Variants in NEK11 observed in about 807,000 individuals in gnomAD.
NEK11 encodes NIMA related kinase 11.
A neutral mutation model predicts 80.7 loss-of-function variants in NEK11; 72 were observed. The observed-to-expected ratio is 0.89, with a 90% CI of 0.74 to 1.08. The LOEUF is 1.08. Among genes scored for constraint, NEK11 ranks in the 50% least tolerant of loss-of-function variants. The pLI, the probability that NEK11 is intolerant of heterozygous loss-of-function variation, is 0.00. For synonymous variants in NEK11, 251 were observed against 260.7 expected (o/e 0.96, Z 0.36); for missense variants, 764 against 763.6 (o/e 1.00, Z -0.01).
intron 14 of NEK11, among the ~76,000 whole-genome samples, chr3:131,179,822 T>C (rs1043821805): frequency 3.3e-5 from 5 of 152,218 alleles, no homozygotes; most frequent in Admixed American, 6.5e-5. Flanking sequence ...AGTAGTTTTA[T>C]TAATGATATA....
chr3:131,168,682 G>A, intron 12 of NEK11, 148 bp from the exon 13 acceptor site: 1 of 567,018 alleles, frequency 1.8e-6, no homozygotes, highest in Non-Finnish European at 3.1e-6. Context: ...TAATCCCTCT[G>A]CTAATTCCTA....
rs753352710 is a variant in NEK11, at chr3:131,109,777, A to G, written c.337-26A>G. ...ATTTTAACATATTAGCTGAAAAAAT[A>G]TGAAAGATTATGCTCTTCATTTCAG... On this transcript the variant is annotated intron_variant, in intron 4 of 17. Coordinates refer to ENST00000383366, the MANE Select transcript of NEK11 (RefSeq NM_024800.5). 4.5e-6 allele frequency: 7 copies of G among 1,558,500 alleles called. No individual in the cohort carries two copies. The African/African-American group carries it at 7.0e-5, about 16-fold the overall frequency.
At chr3:131,293,217 A>G (rs892864186) in intron 17 of NEK11, among the ~76,000 whole-genome samples, 1 of 152,138 alleles carries the variant, frequency 6.6e-6, no homozygotes, top group East Asian at 1.9e-4. Context: ...GATGTTAACT[A>G]TAAGTTTTTT....
intron 17 of NEK11, among the ~76,000 whole-genome samples, chr3:131,315,467 C>CTGTG (rs111470166): frequency 0.16 from 21,673 of 137,454 alleles, 1,762 homozygotes; most frequent in South Asian, 0.32. Flanking sequence ...AATAATATTC[C>CTGTG]TGTGTGTGTG....
chr3:131,269,858 C>T (rs1406725415), intron 16 of NEK11, among the ~76,000 whole-genome samples: 2 of 152,192 alleles, frequency 1.3e-5, no homozygotes, highest in African/African-American at 2.4e-5. Context: ...CATGGGGTTT[C>T]ATAAAATTTT....
chr3:131,127,998 A>T (rs1283743045), intron 5 of NEK11, among the ~76,000 whole-genome samples: 1 of 152,360 alleles, frequency 6.6e-6, no homozygotes, highest in East Asian at 1.9e-4. Context: ...TAAAAATTTA[A>T]AATAAACTTT....
At chr3:131,095,535 AT>A (rs55673651) in intron 4 of NEK11, among the ~76,000 whole-genome samples, 9,938 of 152,202 alleles carry the variant, frequency 0.065, 420 homozygotes, top group Non-Finnish European at 0.096. Flanking sequence ...TATATACAGT[AT>A]TTTTTAAAAA....
At chr3:131,229,292 G>A (rs2095282793) in intron 15 of NEK11, among the ~76,000 whole-genome samples, 1 of 152,058 alleles carries the variant, frequency 6.6e-6, no homozygotes, top group African/African-American at 2.4e-5. Context: ...TGGGCCATAG[G>A]TCAAGAAACA....
intron 17 of NEK11, among the ~76,000 whole-genome samples, chr3:131,323,424 T>C (rs1186204241): frequency 1.3e-5 from 2 of 152,222 alleles, no homozygotes; most frequent in African/African-American, 4.8e-5. Flanking sequence ...CAATCTCAGC[T>C]GTTTTTCCTG....
chr3:131,245,646 G>A (rs779101960), intron 16 of NEK11, among the ~76,000 whole-genome samples: 3 of 151,970 alleles, frequency 2.0e-5, no homozygotes, highest in African/African-American at 4.8e-5. Context: ...TCTGACTGGT[G>A]TAAGATACCT....
At chr3:131,344,252 G>A (rs1375502020) in intron 17 of NEK11, among the ~76,000 whole-genome samples, 1 of 152,138 alleles carries the variant, frequency 6.6e-6, no homozygotes, top group Admixed American at 6.5e-5. Flanking sequence ...CAGATCCCTA[G>A]GGCATAGACA....
chr3:131,059,316 T>A (rs183680278), intron 3 of NEK11, among the ~76,000 whole-genome samples: 8 of 148,414 alleles, frequency 5.4e-5, no homozygotes, highest in South Asian at 2.2e-4. Context: ...AGTGTGCAGG[T>A]TTTTTGGTAT....
At chr3:131,314,615 G>T (rs976641658) in intron 17 of NEK11, among the ~76,000 whole-genome samples, 1 of 152,224 alleles carries the variant, frequency 6.6e-6, no homozygotes, top group Non-Finnish European at 1.5e-5. Context: ...GTGGCATACA[G>T]AAGAGTGGGC....
rs186588160 is a variant in NEK11, at chr3:131,211,930, G to A, written c.1400-16598G>A. On this transcript the variant is annotated intron_variant, in intron 14 of 17. Coordinates refer to ENST00000383366, the MANE Select transcript of NEK11 (RefSeq NM_024800.5). ...GAACATCCTCCTTTAGCTTGGAGAAGTTTCTTATTACCGATCTTCTGAAGC... is the reference window on the plus strand; with the variant it reads ...GAACATCCTCCTTTAGCTTGGAGAAATTTCTTATTACCGATCTTCTGAAGC... Among the ~76,000 whole-genome samples, 10 of 152,224 alleles carry A rather than the reference G, an allele frequency of 6.6e-5. No individual in the cohort carries two copies. In the East Asian group the frequency reaches 1.9e-3, roughly 29 times the overall value.
At chr3:131,222,563 C>CT (rs1472135216) in intron 14 of NEK11, among the ~76,000 whole-genome samples, 4 of 152,168 alleles carry the variant, frequency 2.6e-5, no homozygotes, top group African/African-American at 9.7e-5. Context: ...AACTCGAGCT[C>CT]TTCTAAGGTA....
chr3:131,152,849 G>C (rs2149814341), intron 9 of NEK11, 140 bp downstream of exon 9: 135 of 609,530 alleles, frequency 2.2e-4, no homozygotes, highest in Non-Finnish European at 3.2e-4. Context: ...AAGCTGAGAG[G>C]CCGAGGCGGA....
chr3:131,284,338 A>T (rs2096443978), intron 17 of NEK11, among the ~76,000 whole-genome samples: 1 of 152,180 alleles, frequency 6.6e-6, no homozygotes, highest in Admixed American at 6.5e-5. Context: ...AGCCCTTAGG[A>T]CATGCCCTAT....
intron 17 of NEK11, among the ~76,000 whole-genome samples, chr3:131,308,395 G>A (rs1434291868): frequency 6.6e-6 from 1 of 152,168 alleles, no homozygotes; most frequent in Non-Finnish European, 1.5e-5. Context: ...TTTGTTGTGT[G>A]TAATCAACTT....
chr3:131,323,420 C>G (rs900980505), intron 17 of NEK11, among the ~76,000 whole-genome samples: 1 of 152,192 alleles, frequency 6.6e-6, no homozygotes, highest in Non-Finnish European at 1.5e-5. Context: ...TCCCCAATCT[C>G]AGCTGTTTTT....
Sources: gnomAD v4.1 joint callset for allele counts (sites outside exome capture counted in the v4.1 genomes callset) on GRCh38, gnomAD v4.1.1 for gene constraint, MANE v1.5 for transcripts, NCBI Gene and HGNC (gene_info 2026-07-23, HGNC 2026-07-21) for gene names.